The following ADGRL2 variants were observed in gnomAD, a reference collection of about 807,000 sequenced individuals.
ADGRL2 encodes adhesion G protein-coupled receptor L2, also known as calcium-independent alpha-latrotoxin receptor 2.
In ADGRL2, 44 loss-of-function variants were observed where a neutral mutation model predicts 157.4. That is an observed-to-expected ratio of 0.28 (90% CI 0.22 to 0.36). ADGRL2 has a LOEUF of 0.36. Among genes scored for constraint, ADGRL2 ranks in the 10% least tolerant of loss-of-function variants. The probability of loss-of-function intolerance (pLI) is 1.00; values close to 1 mark genes in which losing one functional copy is unlikely to be tolerated. For missense variants in ADGRL2, 1,510 were observed against 1,768.9 expected (o/e 0.85, Z 2.63); for synonymous variants, 585 against 624.7 (o/e 0.94, Z 0.95).
intron 1 of ADGRL2, among the ~76,000 whole-genome samples, chr1:81,399,691 T>C (rs1239626931): frequency 6.6e-6 from 1 of 152,220 alleles, no homozygotes; most frequent in Non-Finnish European, 1.5e-5. Flanking sequence ...ATTGTTTTCT[T>C]GATTTTGTTA....
At chr1:81,768,327 T>C (rs2086218045) in intron 2 of ADGRL2, among the ~76,000 whole-genome samples, 1 of 152,298 alleles carries the variant, frequency 6.6e-6, no homozygotes, top group African/African-American at 2.4e-5. Flanking sequence ...AGGTGTGAGC[T>C]ACTGCACCTA....
chr1:81,558,987 G>A (rs1557461050), intron 2 of ADGRL2, among the ~76,000 whole-genome samples: 1 of 152,144 alleles, frequency 6.6e-6, no homozygotes, highest in Non-Finnish European at 1.5e-5. Flanking sequence ...TCTGGCATAG[G>A]TAGGATGTTT....
intron 3 of ADGRL2, among the ~76,000 whole-genome samples, chr1:81,585,247 C>A (rs1416524020): frequency 6.6e-6 from 1 of 152,044 alleles, no homozygotes; most frequent in Non-Finnish European, 1.5e-5. Flanking sequence ...TTCAAGCCAA[C>A]CTTAGTTAAA....
chr1:81,558,270 A>T (rs901240002), intron 2 of ADGRL2, among the ~76,000 whole-genome samples: 3 of 152,240 alleles, frequency 2.0e-5, no homozygotes, highest in Admixed American at 2.0e-4. Context: ...TTTTTTATAA[A>T]GAAGGAGAAA....
chr1:81,363,875 T>A (rs2076020087), intron 1 of ADGRL2, among the ~76,000 whole-genome samples: 1 of 152,162 alleles, frequency 6.6e-6, no homozygotes. Flanking sequence ...TACATACTTA[T>A]ACCATAATAT....
In ADGRL2 at chr1:81,718,210, G is replaced by A. The variant is rs544483485; in HGVS notation, c.-143+18402G>A. 8.5e-5 allele frequency among the ~76,000 whole-genome samples: 13 copies of A among 152,248 alleles called. No homozygotes were observed. The East Asian group carries it at 1.7e-3, about 20-fold the overall frequency. Reference sequence around the variant, plus strand: ...AATTTTTGTATTTTTAGTAGAGACAGGGTTTCACCATGTTGGCCAGGATGG... The same window carrying A: ...AATTTTTGTATTTTTAGTAGAGACAAGGTTTCACCATGTTGGCCAGGATGG... On this transcript the variant is annotated intron_variant, in intron 1 of 20. Transcript: ENST00000359929.
intron 2 of ADGRL2, among the ~76,000 whole-genome samples, chr1:81,454,256 G>C (rs1235955693): frequency 6.7e-6 from 1 of 149,938 alleles, no homozygotes; most frequent in African/African-American, 2.5e-5. Context: ...TTAAAACCTT[G>C]TCATGCAAAT....
At chr1:81,340,939 C>G (rs1381294862) in intron 1 of ADGRL2, among the ~76,000 whole-genome samples, 1 of 150,534 alleles carries the variant, frequency 6.6e-6, no homozygotes, top group African/African-American at 2.4e-5. Flanking sequence ...AAAGGAGAAA[C>G]TTTCTCTAAA....
At chr1:81,502,440 A>G in intron 2 of ADGRL2, 4 of 1,614,072 alleles carry the variant, frequency 2.5e-6, no homozygotes, top group South Asian at 2.2e-5. Flanking sequence ...GAAAGGAAAG[A>G]GTTCCTGGAT....
chr1:81,498,523 G>A (rs546882898), intron 2 of ADGRL2, among the ~76,000 whole-genome samples: 30 of 152,226 alleles, frequency 2.0e-4, no homozygotes, highest in South Asian at 1.0e-3. Context: ...ATACTGGACC[G>A]ACAGATTGAG....
chr1:81,788,168 G>C lies in ADGRL2; in HGVS notation c.-101+26316G>C, dbSNP rs79769482. Among the ~76,000 whole-genome samples, 293 of 152,204 alleles carry C rather than the reference G, an allele frequency of 1.9e-3. 1 individual carries two copies. The highest frequency in any genetic ancestry group is 6.2e-3 in the African/African-American group (257 of 41,530). On this transcript the variant is annotated intron_variant, in intron 2 of 20. Transcript: ENST00000359929. ...AGATACTTTGCCTTGGTTTTGAGGAGGTAATAAGAAATGACAGAGAATACA... is the reference window on the plus strand; with the variant it reads ...AGATACTTTGCCTTGGTTTTGAGGACGTAATAAGAAATGACAGAGAATACA...
At chr1:81,426,643 T>C (rs1201746133) in intron 1 of ADGRL2, 1 of 474,606 alleles carries the variant, frequency 2.1e-6, no homozygotes, top group African/African-American at 2.0e-5. Flanking sequence ...CACTCACAGA[T>C]TGTATGGTAA....
chr1:81,941,162 C>T (rs1250838202), intron 4 of ADGRL2, among the ~76,000 whole-genome samples: 5 of 122,668 alleles, frequency 4.1e-5, no homozygotes, highest in Admixed American at 2.5e-4. Flanking sequence ...TTGCTTTTCC[C>T]TTGTATGTAT....
intron 17 of ADGRL2, 53 bp downstream of exon 17, chr1:81,971,971 A>G (rs1281017913): frequency 1.8e-5 from 21 of 1,153,306 alleles, no homozygotes; most frequent in Admixed American, 2.0e-5. Flanking sequence ...TAGCAGTGCT[A>G]TTCAAACAAG....
At chr1:81,582,830 G>A (rs527422185) in intron 3 of ADGRL2, among the ~76,000 whole-genome samples, 1 of 151,998 alleles carries the variant, frequency 6.6e-6, no homozygotes, top group Non-Finnish European at 1.5e-5. Context: ...ACATTGCCTC[G>A]TGCACTTTAC....
chr1:81,441,662 C>G (rs1318988917), intron 1 of ADGRL2, among the ~76,000 whole-genome samples: 1 of 152,048 alleles, frequency 6.6e-6, no homozygotes, highest in African/African-American at 2.4e-5. Flanking sequence ...CTCAGCCTCC[C>G]GAGTTGCTGG....
intron 6 of ADGRL2, among the ~76,000 whole-genome samples, chr1:81,944,595 A>T (rs151333432): frequency 6.6e-6 from 1 of 152,182 alleles, no homozygotes; most frequent in East Asian, 1.9e-4. Context: ...ATTATTATAG[A>T]GCTTGCACTG....
chr1:81,487,517 C>T (rs913783189), intron 2 of ADGRL2, among the ~76,000 whole-genome samples: 14 of 151,778 alleles, frequency 9.2e-5, no homozygotes, highest in East Asian at 3.9e-4. Context: ...TGATGGTGGG[C>T]GCATATAATC....
intron 1 of ADGRL2, among the ~76,000 whole-genome samples, chr1:81,712,198 T>C (rs2149082792): frequency 6.6e-6 from 1 of 152,256 alleles, no homozygotes; most frequent in South Asian, 2.1e-4. Context: ...CAATTACCAC[T>C]AAAGGTTGAG....
Sources: gnomAD v4.1 joint callset for allele counts (sites outside exome capture counted in the v4.1 genomes callset) on GRCh38, gnomAD v4.1.1 for gene constraint, MANE v1.5 for transcripts, NCBI Gene and HGNC (gene_info 2026-07-23, HGNC 2026-07-21) for gene names.